SEPTIN9: variants seen among roughly 807,000 people sequenced by gnomAD.
The protein encoded by SEPTIN9 is septin 9.
A neutral mutation model predicts 56.6 loss-of-function variants in SEPTIN9; 13 were observed. The ratio of observed to expected loss-of-function variants is 0.23; its 90% CI spans 0.15 to 0.37. The LOEUF is 0.37. Ranked by LOEUF, SEPTIN9 falls within the 10% of genes least tolerant of loss-of-function variation. The probability of loss-of-function intolerance (pLI) is 1.00; values close to 1 mark genes in which losing one functional copy is unlikely to be tolerated. For synonymous variants in SEPTIN9, 332 were observed against 334.1 expected (o/e 0.99, Z 0.07); for missense variants, 650 against 823.1 (o/e 0.79, Z 2.57).
intron 6 of SEPTIN9, among the ~76,000 whole-genome samples, 179 bp from the exon 7 acceptor site, chr17:77,488,548 G>A (rs1290673807): frequency 6.6e-6 from 1 of 152,176 alleles, no homozygotes; most frequent in Non-Finnish European, 1.5e-5. Flanking sequence ...GGCCAGCCCG[G>A]GGAGGCTGGT....
At chr17:77,379,477 C>T (rs2035063023) in intron 2 of SEPTIN9, among the ~76,000 whole-genome samples, 1 of 152,200 alleles carries the variant, frequency 6.6e-6, no homozygotes, top group Non-Finnish European at 1.5e-5. Context: ...ACTTCTCAGC[C>T]TGGCAACCTG....
At chr17:77,324,839 G>A (rs1374455896) in intron 2 of SEPTIN9, among the ~76,000 whole-genome samples, 1 of 67,030 alleles carries the variant, frequency 1.5e-5, no homozygotes, top group South Asian at 3.9e-4. Context: ...TTTTTTTTGA[G>A]ATGGAGTCTG....
At chr17:77,349,127 C>T (rs2033978655) in intron 2 of SEPTIN9, among the ~76,000 whole-genome samples, 1 of 151,892 alleles carries the variant, frequency 6.6e-6, no homozygotes. Flanking sequence ...GACAGAGTCT[C>T]ACTCTGTCTC....
chr17:77,442,711 A>G (rs530350317), intron 3 of SEPTIN9, among the ~76,000 whole-genome samples: 62 of 151,874 alleles, frequency 4.1e-4, no homozygotes, highest in Non-Finnish European at 7.4e-4. Flanking sequence ...CGTCTCTACT[A>G]AAAATACAAA....
At chr17:77,361,004 AC>A (rs2034400628) in intron 2 of SEPTIN9, among the ~76,000 whole-genome samples, 1 of 142,366 alleles carries the variant, frequency 7.0e-6, no homozygotes, top group Non-Finnish European at 1.5e-5. Flanking sequence ...GCTCACTGCA[AC>A]CTCTGCCTCC....
At chr17:77,472,634 A>G (rs1208185063) in intron 3 of SEPTIN9, 1 of 152,272 alleles carries the variant, frequency 6.6e-6, no homozygotes, top group Non-Finnish European at 1.5e-5. Flanking sequence ...AGAAAAATGC[A>G]GCTCTTTGCC....
intron 3 of SEPTIN9, among the ~76,000 whole-genome samples, chr17:77,411,381 G>A (rs184512016): frequency 9.6e-4 from 143 of 149,204 alleles, no homozygotes; most frequent in African/African-American, 2.5e-3. Flanking sequence ...GATGTAGCAC[G>A]TTCCTTTTTC....
In SEPTIN9 at chr17:77,323,849, C is replaced by G. The variant is rs1431203964; in HGVS notation, c.76+16652C>G. 1 of 152,364 alleles carries G rather than the reference C, an allele frequency of 6.6e-6. No homozygotes were observed. The highest frequency in any genetic ancestry group is 1.5e-5 in the Non-Finnish European group (1 of 68,130). The allele number at this position is 152,364 out of a possible 1,614,324, so 9.4% of individuals were successfully genotyped here. ...GCCTGACGCGCTCTGCACCCGCTTC[C>G]TGCCCAGCCCCGTGGGAACTCTGGT... On this transcript the variant is annotated intron_variant, in intron 2 of 11. Transcript: ENST00000427177. This position sits in a 1 kb window ranked among gnomAD's most constrained non-coding sequence, Gnocchi z 6.8.
At chr17:77,341,964 TC>T in intron 2 of SEPTIN9, among the ~76,000 whole-genome samples, 1 of 150,382 alleles carries the variant, frequency 6.6e-6, no homozygotes, top group South Asian at 2.1e-4. Flanking sequence ...GTGCCTGTAG[TC>T]CCAGCTACTC....
At chr17:77,332,687 T>G (rs1488331547) in intron 2 of SEPTIN9, among the ~76,000 whole-genome samples, 1 of 152,182 alleles carries the variant, frequency 6.6e-6, no homozygotes, top group Non-Finnish European at 1.5e-5. Flanking sequence ...TCCAGGTGCA[T>G]CACAGTCCCC....
At chr17:77,346,180 G>A (rs971039815) in intron 2 of SEPTIN9, among the ~76,000 whole-genome samples, 3 of 150,484 alleles carry the variant, frequency 2.0e-5, no homozygotes, top group South Asian at 4.2e-4. Context: ...GATCTCAGGT[G>A]ATCCACCTGC....
At position 77,371,117 on chromosome 17, in the gene SEPTIN9, G is replaced by A. The variant is rs551938813; in HGVS notation, c.77-30942G>A. 9.1e-4 allele frequency among the ~76,000 whole-genome samples: 138 copies of A among 152,336 alleles called. No individual in the cohort carries two copies. The highest frequency in any genetic ancestry group is 1.7e-3 in the Non-Finnish European group (116 of 68,036). ...GGGAGTATGGCCAAGCCCTGATTTG[G>A]GTTTCCTGAAAGAGCTCGGGGAACC... On this transcript the variant is annotated intron_variant, in intron 2 of 11. Coordinates refer to ENST00000427177, the MANE Select transcript of SEPTIN9 (RefSeq NM_001113491.2). This position sits in a 1 kb window ranked among gnomAD's most constrained non-coding sequence, Gnocchi z 4.1.
intron 2 of SEPTIN9, among the ~76,000 whole-genome samples, chr17:77,335,585 T>A (rs1362044969): frequency 6.6e-6 from 1 of 150,918 alleles, no homozygotes; most frequent in African/African-American, 2.4e-5. Flanking sequence ...CCTATATTAG[T>A]ATATGTACAT....
chr17:77,349,574 G>A (rs1484945958), intron 2 of SEPTIN9, among the ~76,000 whole-genome samples: 1 of 152,160 alleles, frequency 6.6e-6, no homozygotes, highest in African/African-American at 2.4e-5. Flanking sequence ...TAGACCACAT[G>A]TTGTTTTTCC....
intron 2 of SEPTIN9, among the ~76,000 whole-genome samples, chr17:77,336,856 T>C (rs1380757251): frequency 6.6e-6 from 1 of 152,228 alleles, no homozygotes; most frequent in Admixed American, 6.5e-5. Flanking sequence ...GGAAATTCCC[T>C]TCTATTCTTA....
At position 77,435,272 on chromosome 17, in the gene SEPTIN9, C is replaced by T. The variant is rs1018099328; in HGVS notation, c.721+32569C>T. Among the ~76,000 whole-genome samples the T allele has an allele frequency of 6.6e-6, 1 of 152,160 alleles. No homozygotes were observed. The highest frequency in any genetic ancestry group is 1.5e-5 in the Non-Finnish European group (1 of 68,026). On this transcript the variant is annotated intron_variant, in intron 3 of 11. Transcript: ENST00000427177. The surrounding 1 kb of genome is among the most constrained non-coding windows in gnomAD (Gnocchi z 4.5). ...GTCATTTACCTCTTCGGCCAGCCCT[C>T]TGATTGCAAAACCTGAGGCCCAGAG...
intron 2 of SEPTIN9, among the ~76,000 whole-genome samples, chr17:77,341,743 C>G (rs1351604472): frequency 6.9e-6 from 1 of 144,764 alleles, no homozygotes; most frequent in African/African-American, 2.6e-5. Context: ...CCACTGCACT[C>G]CACTGCACTC....
intron 2 of SEPTIN9, among the ~76,000 whole-genome samples, chr17:77,314,017 T>C (rs1296596488): frequency 6.6e-6 from 1 of 151,916 alleles, no homozygotes; most frequent in Non-Finnish European, 1.5e-5. Flanking sequence ...CTGGGCAACA[T>C]GACGAGACCC....
At chr17:77,354,610 C>A (rs1309747585) in intron 2 of SEPTIN9, among the ~76,000 whole-genome samples, 4 of 152,156 alleles carry the variant, frequency 2.6e-5, no homozygotes, top group African/African-American at 9.6e-5. Flanking sequence ...GGTGGACAGG[C>A]CTGCTTGTGG....
Sources: allele counts gnomAD v4.1 joint callset (sites outside exome capture counted in the v4.1 genomes callset), GRCh38; gene constraint gnomAD v4.1.1; non-coding constraint Gnocchi (gnomAD v3.1); transcripts MANE v1.5; gene names NCBI Gene and HGNC (gene_info 2026-07-23, HGNC 2026-07-21).